Variants in ASB4 observed in about 807,000 individuals in gnomAD.
ASB4 encodes the protein ankyrin repeat and SOCS box containing 4.
Under a neutral mutation model 38.6 loss-of-function variants are expected in ASB4, and 35 were observed. The ratio of observed to expected loss-of-function variants is 0.91; its 90% CI spans 0.69 to 1.20. The LOEUF (loss-of-function observed/expected upper bound fraction) is 1.20, where lower values mean the gene tolerates loss of function less well. ASB4 is among the 50% of genes most tolerant of loss of function. The pLI is 0.00. For missense variants in ASB4, 557 were observed against 527.2 expected, an observed-to-expected ratio of 1.06 and a Z score of -0.55; for synonymous variants, 195 against 201.3, an observed-to-expected ratio of 0.97 and a Z score of 0.26.
chr7:95,530,105 C>CAAAAAAAAAAA (rs60923712), intron 3 of ASB4, among the ~76,000 whole-genome samples: 8 of 99,672 alleles, frequency 8.0e-5, no homozygotes, highest in South Asian at 3.8e-4. Flanking sequence ...AAAAGCAGGG[C>CAAAAAAAAAAA]AAAAAAAAAA....
downstream of ASB4, chr7:95,542,383 T>A (rs529939270): frequency 1.3e-4 from 20 of 152,292 alleles, no homozygotes; most frequent in African/African-American, 4.8e-4. Flanking sequence ...TGAAAAACAA[T>A]GTATGCAAAA....
Position 95,486,173 on chromosome 7 carries a change from G to T in ASB4, c.187+15G>T, listed in dbSNP as rs1162562320. 1 of 1,600,248 alleles carries T rather than the reference G, an allele frequency of 6.2e-7. No individual in the cohort carries two copies. Among genetic ancestry groups the T allele is most frequent in the Non-Finnish European group, 8.5e-7 (1 of 1,169,932 alleles). ...TTATAAACAAGGTAAAAACATATAG[G>T]TGTTATTGTAGAACTGTTAGAAAAT... On this transcript the variant is annotated intron_variant, in intron 1 of 4. Transcript: ENST00000325885.
chr7:95,544,852 G>A (rs570677728), downstream of ASB4, among the ~76,000 whole-genome samples: 4 of 151,954 alleles, frequency 2.6e-5, no homozygotes, highest in Admixed American at 2.0e-4. Context: ...ATGCCATCAC[G>A]CCCAGCTAAT....
the ASB4 span, among the ~76,000 whole-genome samples, chr7:95,545,912 TAGTC>T: frequency 6.6e-6 from 1 of 152,216 alleles, no homozygotes; most frequent in Non-Finnish European, 1.5e-5. Flanking sequence ...CTTTTGCACA[TAGTC>T]AGACATCTCC....
chr7:95,544,316 C>T (rs540551756), downstream of ASB4: 10 of 152,314 alleles, frequency 6.6e-5, no homozygotes, highest in Middle Eastern at 3.4e-3. Context: ...GAAGCACTGA[C>T]GTCATTACAG....
At chr7:95,512,604 A>T (rs1790498373) in intron 2 of ASB4, among the ~76,000 whole-genome samples, 1 of 152,250 alleles carries the variant, frequency 6.6e-6, no homozygotes, top group African/African-American at 2.4e-5. Context: ...TGTGAATTGT[A>T]AAGATACAAA....
At chr7:95,546,162 T>A in the ASB4 span, among the ~76,000 whole-genome samples, 2 of 152,166 alleles carry the variant, frequency 1.3e-5, no homozygotes, top group South Asian at 2.1e-4. Context: ...AAATTGCAAT[T>A]ATTATTATAG....
upstream of ASB4, among the ~76,000 whole-genome samples, chr7:95,481,506 G>T (rs73437888): frequency 0.094 from 14,275 of 152,216 alleles, 1,027 homozygotes; most frequent in East Asian, 0.36. Context: ...GAGAAAGTCA[G>T]GAGGCCCAAG....
At chr7:95,513,927 C>T (rs62467681) in intron 2 of ASB4, among the ~76,000 whole-genome samples, 12,033 of 152,214 alleles carry the variant, frequency 0.079, 548 homozygotes, top group Non-Finnish European at 0.095. Flanking sequence ...TGCCATCATC[C>T]ACGAAGGATT....
intron 2 of ASB4, among the ~76,000 whole-genome samples, chr7:95,520,213 G>A (rs1055543601): frequency 6.6e-6 from 1 of 152,196 alleles, no homozygotes; most frequent in Non-Finnish European, 1.5e-5. Context: ...CTGACACGGT[G>A]GTGGGTACTG....
chr7:95,533,619 G>C (rs1325448534), intron 3 of ASB4, among the ~76,000 whole-genome samples: 1 of 152,080 alleles, frequency 6.6e-6, no homozygotes, highest in Non-Finnish European at 1.5e-5. Flanking sequence ...CTTTCACTCT[G>C]ACATGTCTGG....
downstream of ASB4, chr7:95,543,401 C>T (rs903117756): frequency 6.6e-6 from 1 of 152,190 alleles, no homozygotes; most frequent in Admixed American, 6.5e-5. Context: ...TTCAGTCACC[C>T]CTATTGAGTG....
intron 1 of ASB4, among the ~76,000 whole-genome samples, chr7:95,480,511 A>T (rs1283090755): frequency 6.6e-6 from 1 of 152,214 alleles, no homozygotes; most frequent in African/African-American, 2.4e-5. Context: ...GTCACAAAAG[A>T]TGTTGCAGCT....
Position 95,537,933 on chromosome 7 carries a change from A to G in ASB4, c.*174A>G. The G allele has an allele frequency of 1.7e-6, 1 of 583,986 alleles. No homozygotes were observed. Among genetic ancestry groups the G allele is most frequent in the South Asian group, 2.6e-5 (1 of 38,986 alleles). 36.2% of individuals were successfully genotyped at this position (583,986 alleles called of 1,614,324 possible). On this transcript the variant is annotated 3_prime_UTR_variant, in exon 5 of 5. Transcript: ENST00000325885. ...ATCATGGTATGGGGAAATAAAGAAG[A>G]AGTAAAGTTAAGGAATTTTCAAAGA...
upstream of ASB4, among the ~76,000 whole-genome samples, chr7:95,484,914 T>C (rs1790064280): frequency 6.6e-6 from 1 of 151,682 alleles, no homozygotes; most frequent in Non-Finnish European, 1.5e-5. Flanking sequence ...GTCTTTAAGT[T>C]TTTGCCACAC....
intron 1 of ASB4, among the ~76,000 whole-genome samples, chr7:95,491,074 A>G (rs954071949): frequency 3.9e-5 from 6 of 152,332 alleles, no homozygotes; most frequent in East Asian, 1.9e-4. Flanking sequence ...CTTCATTTGT[A>G]AAATGGAAGC....
intron 2 of ASB4, among the ~76,000 whole-genome samples, chr7:95,513,253 GTTTTTTTTTTTTT>G (rs536945120): frequency 1.3e-5 from 1 of 77,024 alleles, no homozygotes; most frequent in Non-Finnish European, 2.3e-5. Flanking sequence ...TTTTTTGTTT[GTTTTTTTTTTTTT>G]TTTTTTTTAG....
upstream of ASB4, among the ~76,000 whole-genome samples, chr7:95,476,213 C>G (rs879885569): frequency 3.9e-5 from 6 of 152,176 alleles, no homozygotes; most frequent in Admixed American, 3.9e-4. Context: ...ATCACAGTGT[C>G]AGACACCTAA....
chr7:95,477,827 A>T (rs1210300779), upstream of ASB4, among the ~76,000 whole-genome samples: 1 of 149,844 alleles, frequency 6.7e-6, no homozygotes, highest in East Asian at 2.0e-4. Context: ...TAGGTATACT[A>T]TTTTTCTATG....
Sources: allele counts gnomAD v4.1 joint callset (sites outside exome capture counted in the v4.1 genomes callset), GRCh38; gene constraint gnomAD v4.1.1; transcripts MANE v1.5; gene names NCBI Gene and HGNC (gene_info 2026-07-23, HGNC 2026-07-21).